Variants in GPR180 observed in about 807,000 individuals in gnomAD.
GPR180 encodes the protein integral membrane protein GPR180.
In GPR180, 53 loss-of-function variants were observed where a neutral mutation model predicts 52.6. The ratio of observed to expected loss-of-function variants is 1.01; its 90% CI spans 0.81 to 1.27. The LOEUF (loss-of-function observed/expected upper bound fraction) is 1.27, where lower values mean the gene tolerates loss of function less well. GPR180 is among the 50% of genes most tolerant of loss of function. GPR180 has a pLI of 0.00. For synonymous variants in GPR180, 200 were observed against 193.1 expected, an observed-to-expected ratio of 1.04 and a Z score of -0.30; for missense variants, 533 against 527.0, an observed-to-expected ratio of 1.01 and a Z score of -0.11.
At position 94,630,021 on chromosome 13, in the gene GPR180, A is replaced by G. The variant is rs1327532852; in HGVS notation, c.*2850A>G. On this transcript the variant is annotated 3_prime_UTR_variant, in exon 9 of 9. Coordinates refer to ENST00000376958, the MANE Select transcript of GPR180 (RefSeq NM_180989.6). ...TCTTAAATAGCTTCTGTGGTATCAA[A>G]TCATTGAGGTTGTTTTTTGTTTGTT... is the stretch of plus-strand genomic sequence containing the variant. 6.6e-6 allele frequency: 1 copy of G among 152,214 alleles called. No homozygotes were observed. The highest frequency in any genetic ancestry group is 1.5e-5 in the Non-Finnish European group (1 of 68,028). 9.4% of individuals were successfully genotyped at this position (152,214 alleles called of 1,614,324 possible).
At chr13:94,610,190 C>T (rs1889685298) in intron 2 of GPR180, among the ~76,000 whole-genome samples, 1 of 152,170 alleles carries the variant, frequency 6.6e-6, no homozygotes, top group Non-Finnish European at 1.5e-5. Context: ...AGAAATTCAT[C>T]TGTTTAACTA....
rs1425511625 is a variant in GPR180 at position 94,631,689 on chromosome 13, A to C, written c.*4518A>C. ...TGAAAAAGTTCCAAATCTGTACTTA[A>C]CAGTGTAGTATTAATTATGTAATAG... is the stretch of plus-strand genomic sequence containing the variant. On this transcript the variant is annotated 3_prime_UTR_variant, in exon 9 of 9. Coordinates refer to ENST00000376958, the MANE Select transcript of GPR180 (RefSeq NM_180989.6). 1 of 150,806 alleles carries C rather than the reference A, an allele frequency of 6.6e-6. No individual in the cohort carries two copies. Among genetic ancestry groups the C allele is most frequent in the Non-Finnish European group, 1.5e-5 (1 of 67,866 alleles). The allele number at this position is 150,806 out of a possible 1,614,324, so 9.3% of individuals were successfully genotyped here.
chr13:94,611,274 A>G (rs765496623), intron 2 of GPR180, among the ~76,000 whole-genome samples: 13 of 152,146 alleles, frequency 8.5e-5, no homozygotes, highest in Non-Finnish European at 1.5e-4. Context: ...AGAACAACCA[A>G]TCAGAAAAAG....
In GPR180 at chr13:94,608,676, T is replaced by C. The variant is rs550220315; in HGVS notation, c.304+3127T>C. On this transcript the variant is annotated intron_variant, in intron 2 of 8. Coordinates refer to ENST00000376958, the MANE Select transcript of GPR180 (RefSeq NM_180989.6). ...GCATATCCTTAAATTCATGATGTAA[T>C]AGTAACACATATTTAAGAATAGTTC... is the stretch of plus-strand genomic sequence containing the variant. Among the ~76,000 whole-genome samples, 20 of 152,310 alleles carry C rather than the reference T, an allele frequency of 1.3e-4. No homozygotes were observed. The South Asian group carries it at 3.5e-3, about 27-fold the overall frequency.
At chr13:94,619,600 T>C in intron 5 of GPR180, 83 bp downstream of exon 5, 1 of 1,198,272 alleles carries the variant, frequency 8.3e-7, no homozygotes, top group Non-Finnish European at 1.2e-6. Flanking sequence ...AGTATAAATT[T>C]TCTGTCGAAA....
At chr13:94,607,103 A>G (rs1283150754) in intron 2 of GPR180, among the ~76,000 whole-genome samples, 1 of 152,178 alleles carries the variant, frequency 6.6e-6, no homozygotes, top group Non-Finnish European at 1.5e-5. Flanking sequence ...TCCATCCAGT[A>G]AACAGTTGAG....
chr13:94,623,179 C>T lies in GPR180; in HGVS notation c.965C>T (p.Ala322Val). The change falls in exon 7 of 9, where the codon GCA (alanine) becomes GTA (valine). Residue 322 changes from alanine (A) to valine (V), a missense_variant. Physicochemically the swap from Ala to Val is moderately conservative, Grantham distance 64. Transcript: ENST00000376958. ...HHSYHSHHNL[A>V]GILLIVLRIC... is the part of the protein sequence containing the mutation. ...AGCTACCATTCACACCACAACTTAGCAGGGATCCTCCTAATTGTTCTAAGA... is the reference window on the plus strand; with the variant it reads ...AGCTACCATTCACACCACAACTTAGTAGGGATCCTCCTAATTGTTCTAAGA... 3 of 1,613,350 alleles carry T rather than the reference C, an allele frequency of 1.9e-6. No homozygotes were observed. Among genetic ancestry groups the T allele is most frequent in the Middle Eastern group, 1.6e-4 (1 of 6,062 alleles).
intron 3 of GPR180, among the ~76,000 whole-genome samples, chr13:94,618,302 T>G (rs1267722118): frequency 2.0e-5 from 3 of 152,168 alleles, no homozygotes; most frequent in African/African-American, 7.2e-5. Flanking sequence ...AGAAGATGAT[T>G]AGCCTAACTT....
chr13:94,602,192 C>A, intron 1 of GPR180, 120 bp downstream of exon 1: 1 of 939,328 alleles, frequency 1.1e-6, no homozygotes, highest in Non-Finnish European at 1.4e-6. Context: ...ACTTCCCCAG[C>A]CTCACCTGGA....
chr13:94,612,785 CAG>C (rs769001203), intron 3 of GPR180, among the ~76,000 whole-genome samples: 1 of 152,028 alleles, frequency 6.6e-6, no homozygotes, highest in Admixed American at 6.5e-5. Context: ...TTTTTATAAA[CAG>C]AAAAATGGTA....
rs1889819472 is a variant in GPR180 at position 94,619,187 on chromosome 13, C to A, written c.543C>A (p.Tyr181Ter). 1.9e-6 allele frequency: 3 copies of A among 1,614,074 alleles called. No homozygotes were observed. The East Asian group carries it at 6.7e-5, about 36-fold the overall frequency. The change falls in exon 4 of 9, where the codon TAC (tyrosine) becomes TAA (stop). Residue 181 changes from tyrosine (Y) to a stop codon, truncating the protein, a stop_gained. Coordinates refer to ENST00000376958, the MANE Select transcript of GPR180 (RefSeq NM_180989.6). LOFTEE classifies it high-confidence loss of function. Reference protein sequence around the residue: ...HEFFFLLVLVYFVIACIYAQS... With the variant: ...HEFFFLLVLV ...TCTTTTTCCTCCTAGTCCTAGTGTACTTTGTGATTGCTTGCATTTATGCTC... is the reference window on the plus strand; with the variant it reads ...TCTTTTTCCTCCTAGTCCTAGTGTAATTTGTGATTGCTTGCATTTATGCTC...
Position 94,601,907 on chromosome 13 carries a change from G to A in GPR180, c.-21G>A, listed in dbSNP as rs750696272. 372 of 1,412,200 alleles carry A rather than the reference G, an allele frequency of 2.6e-4. 1 individual carries two copies. The African/African-American group carries it at 5.0e-3, about 19-fold the overall frequency. The allele number at this position is 1,412,200 out of a possible 1,614,324, so 87.5% of individuals were successfully genotyped here. A position where few individuals can be genotyped will look rare whatever the true frequency, so the allele number is the denominator to read the frequency against. On this transcript the variant is annotated 5_prime_UTR_variant, in exon 1 of 9. Coordinates refer to ENST00000376958, the MANE Select transcript of GPR180 (RefSeq NM_180989.6). ...GCCGGCGGCTGGGAGCCGAGGCGTC[G>A]GTGCAGACCTGGAGACGGGCATGGG...
chr13:94,620,685 T>G (rs978468832), intron 5 of GPR180, among the ~76,000 whole-genome samples: 1 of 152,206 alleles, frequency 6.6e-6, no homozygotes, highest in Non-Finnish European at 1.5e-5. Flanking sequence ...ACTAGTATTC[T>G]CCATATTGCA....
Position 94,601,862 on chromosome 13 carries a change from C to G in GPR180, c.-66C>G. 1 of 1,322,274 alleles carries G rather than the reference C, an allele frequency of 7.6e-7. No individual in the cohort carries two copies. The highest frequency in any genetic ancestry group is 9.7e-7 in the Non-Finnish European group (1 of 1,033,466). The allele number at this position is 1,322,274 out of a possible 1,614,324, so 81.9% of individuals were successfully genotyped here. A position where few individuals can be genotyped will look rare whatever the true frequency, so the allele number is the denominator to read the frequency against. On this transcript the variant is annotated 5_prime_UTR_variant, in exon 1 of 9. Transcript: ENST00000376958. ...GCGCCCACCCCGCCTCCCCCAGCTG[C>G]CGACGTGGGGCGGGCAGCCGCCGGC...
chr13:94,615,706 T>G lies in GPR180; in HGVS notation c.505+3316T>G, dbSNP rs756649417. On this transcript the variant is annotated intron_variant, in intron 3 of 8. Coordinates refer to ENST00000376958, the MANE Select transcript of GPR180 (RefSeq NM_180989.6). The stretch of plus-strand genomic sequence containing the variant: ...GAAGTACCCAGAATCCTGAGAGTGT[T>G]ATTACCTAAAGGCGCATATAGACTG... 3.1e-4 allele frequency among the ~76,000 whole-genome samples: 47 copies of G among 152,364 alleles called. No homozygotes were observed. The Middle Eastern group carries it at 0.01, about 33-fold the overall frequency.
intron 6 of GPR180, 106 bp downstream of exon 6, chr13:94,621,341 A>AT (rs796700367): frequency 0.016 from 12,340 of 781,860 alleles, 7 homozygotes; most frequent in South Asian, 0.017. Flanking sequence ...AATTTGTGTC[A>AT]TTTTTTTTTT....
Position 94,612,255 on chromosome 13 carries a change from G to T in GPR180, c.370G>T (p.Val124Leu). 1 of 1,614,036 alleles carries T rather than the reference G, an allele frequency of 6.2e-7. No individual in the cohort carries two copies. The highest frequency in any genetic ancestry group is 1.1e-5 in the South Asian group (1 of 91,092). Residue 124 changes from valine to leucine, a missense_variant, in exon 3 of 9, where the codon GTG (valine) becomes TTG (leucine). By Grantham distance (32) the Val-to-Leu change is conservative (BLOSUM62 1). Transcript: ENST00000376958. ...GATTCCGTCTCCACAAACGTGGCAT[G>T]TGTTTTATGCAGACAAGTATACATG... ...SQIPSPQTWHVFYADKYTCQD... is the reference protein window; with the variant it reads ...SQIPSPQTWHLFYADKYTCQD...
At position 94,625,007 on chromosome 13, in the gene GPR180, T is replaced by C. The variant is rs546766249; in HGVS notation, c.1087-959T>C. Among the ~76,000 whole-genome samples, 261 of 151,222 alleles carry C rather than the reference T, an allele frequency of 1.7e-3. 2 individuals carry two copies. The highest frequency in any genetic ancestry group is 6.2e-3 in the African/African-American group (253 of 40,858). Reference sequence around the variant, plus strand: ...TTCTGCATTTTCAGTAGAGATGGGGTTTCTCCATGTTGGTCAGGCTGTTCT... The same window carrying C: ...TTCTGCATTTTCAGTAGAGATGGGGCTTCTCCATGTTGGTCAGGCTGTTCT... On this transcript the variant is annotated intron_variant, in intron 7 of 8. Coordinates refer to ENST00000376958, the MANE Select transcript of GPR180 (RefSeq NM_180989.6).
rs571747756 is a variant in GPR180, at chr13:94,622,788, T to G, written c.895-321T>G. Among the ~76,000 whole-genome samples, 325 of 152,334 alleles carry G rather than the reference T, an allele frequency of 2.1e-3. 1 individual carries two copies. The highest frequency in any genetic ancestry group is 7.4e-3 in the African/African-American group (309 of 41,580). ...TGGGGTTTCACCATGTTGGCCAGGC[T>G]GGTCTCGAACTCCTGACCTCAGGTG... On this transcript the variant is annotated intron_variant, in intron 6 of 8. Transcript: ENST00000376958.
Sources: allele counts gnomAD v4.1 joint callset (sites outside exome capture counted in the v4.1 genomes callset), GRCh38; gene constraint gnomAD v4.1.1; transcripts MANE v1.5; gene names NCBI Gene and HGNC (gene_info 2026-07-23, HGNC 2026-07-21).